The following RSRC1 variants were observed in gnomAD, a reference collection of about 807,000 sequenced individuals.
RSRC1 encodes arginine and serine rich coiled-coil 1.
Under a neutral mutation model 49.1 loss-of-function variants are expected in RSRC1, and 39 were observed. The observed-to-expected ratio is 0.79, with a 90% CI of 0.61 to 1.04. RSRC1 has a LOEUF of 1.04. Among genes scored for constraint, RSRC1 ranks in the 50% least tolerant of loss-of-function variants. RSRC1 has a pLI of 0.00. For missense variants in RSRC1, 388 were observed against 402.4 expected, an observed-to-expected ratio of 0.96 and a Z score of 0.31; for synonymous variants, 143 against 130.8, an observed-to-expected ratio of 1.09 and a Z score of -0.63.
chr3:158,429,983 A>G (rs923887064), intron 6 of RSRC1, among the ~76,000 whole-genome samples: 6 of 151,772 alleles, frequency 4.0e-5, no homozygotes, highest in Non-Finnish European at 8.8e-5. Flanking sequence ...TACCTATAGT[A>G]AACAATAATG....
At chr3:158,350,727 T>C (rs771620202) in intron 5 of RSRC1, among the ~76,000 whole-genome samples, 15 of 152,194 alleles carry the variant, frequency 9.9e-5, no homozygotes, top group Non-Finnish European at 1.9e-4. Context: ...TTTTGAGAAA[T>C]TGCTATATTC....
intron 6 of RSRC1, among the ~76,000 whole-genome samples, chr3:158,426,045 A>C (rs1735418138): frequency 6.6e-6 from 1 of 151,706 alleles, no homozygotes; most frequent in African/African-American, 2.4e-5. Context: ...GGATTTTTCT[A>C]AATGATAGTG....
intron 3 of RSRC1, among the ~76,000 whole-genome samples, chr3:158,149,262 T>C (rs887913013): frequency 1.0e-4 from 15 of 148,964 alleles, no homozygotes; most frequent in Non-Finnish European, 1.6e-4. Context: ...TAGCTTTAGT[T>C]CTTTCTTCTA....
intron 3 of RSRC1, among the ~76,000 whole-genome samples, chr3:158,185,309 A>C (rs1719861909): frequency 6.6e-6 from 1 of 152,000 alleles, no homozygotes; most frequent in Non-Finnish European, 1.5e-5. Context: ...CTTACTTGAT[A>C]AGGACTTCTC....
intron 7 of RSRC1, among the ~76,000 whole-genome samples, chr3:158,476,491 G>A (rs368251111): frequency 6.6e-6 from 1 of 152,236 alleles, no homozygotes; most frequent in East Asian, 1.9e-4. Context: ...CTTTAAGTTT[G>A]AAGCCAGTGC....
At chr3:158,299,992 C>G (rs1281135815) in intron 5 of RSRC1, among the ~76,000 whole-genome samples, 1 of 152,034 alleles carries the variant, frequency 6.6e-6, no homozygotes. Context: ...AGTACTCTGG[C>G]TAAAAATATT....
chr3:158,412,674 C>G (rs1242993992), intron 6 of RSRC1, among the ~76,000 whole-genome samples: 1 of 152,012 alleles, frequency 6.6e-6, no homozygotes, highest in African/African-American at 2.4e-5. Context: ...TAATAATCAG[C>G]CTGAGAGCAG....
At chr3:158,267,533 T>TA (rs200838693) in intron 4 of RSRC1, among the ~76,000 whole-genome samples, 16 of 152,168 alleles carry the variant, frequency 1.1e-4, no homozygotes, top group South Asian at 4.2e-4. Context: ...CCTCTTCATT[T>TA]AAAAAAATTT....
At chr3:158,439,812 A>G (rs1578480295) in intron 6 of RSRC1, among the ~76,000 whole-genome samples, 1 of 152,114 alleles carries the variant, frequency 6.6e-6, no homozygotes, top group Non-Finnish European at 1.5e-5. Context: ...TTGAAGTACA[A>G]TAAAAATTTA....
chr3:158,349,790 C>T (rs986284226), intron 5 of RSRC1, among the ~76,000 whole-genome samples: 6 of 147,354 alleles, frequency 4.1e-5, no homozygotes, highest in African/African-American at 1.5e-4. Flanking sequence ...GTCTGCCTCG[C>T]GGGTTCAGGC....
chr3:158,129,646 A>G (rs1011979167), intron 3 of RSRC1, among the ~76,000 whole-genome samples: 1 of 152,204 alleles, frequency 6.6e-6, no homozygotes, highest in African/African-American at 2.4e-5. Context: ...AAAACCAGCT[A>G]ACTATACGAA....
At chr3:158,121,354 A>G (rs1715247523) in intron 1 of RSRC1, among the ~76,000 whole-genome samples, 1 of 152,108 alleles carries the variant, frequency 6.6e-6, no homozygotes, top group African/African-American at 2.4e-5. Flanking sequence ...TGTCTGTTAT[A>G]GATATAATAT....
intron 6 of RSRC1, among the ~76,000 whole-genome samples, chr3:158,424,753 C>T (rs1353927472): frequency 5.3e-5 from 8 of 152,106 alleles, no homozygotes; most frequent in Admixed American, 5.2e-4. Flanking sequence ...GCCACAATTT[C>T]AGCTCCTGTT....
intron 4 of RSRC1, among the ~76,000 whole-genome samples, chr3:158,258,764 C>T (rs1095629): frequency 0.61 from 93,169 of 151,624 alleles, 28,973 homozygotes; most frequent in East Asian, 0.73. Flanking sequence ...CTCCTCTGAC[C>T]GTGTATTTTC....
chr3:158,461,006 A>G lies in RSRC1; in HGVS notation c.652+3A>G, dbSNP rs766214351. ...AGCAAAGAGAAGAAAGGAGGAAGGT[A>G]AAGGCATGTGTTCATTTTTCTCTGA... On this transcript the variant is annotated splice_donor_region_variant and intron_variant, in intron 7 of 9. Coordinates refer to ENST00000611884, the MANE Select transcript of RSRC1 (RefSeq NM_001271838.2). 1.9e-6 allele frequency: 3 copies of G among 1,593,780 alleles called. No individual in the cohort carries two copies. Among genetic ancestry groups the G allele is most frequent in the Non-Finnish European group, 2.6e-6 (3 of 1,166,442 alleles).
intron 3 of RSRC1, among the ~76,000 whole-genome samples, chr3:158,132,433 G>A (rs182911121): frequency 6.6e-4 from 101 of 152,256 alleles, no homozygotes; most frequent in South Asian, 1.0e-3. Flanking sequence ...AAAGGACAGC[G>A]TGTCTGATGA....
At chr3:158,369,465 G>T (rs938119067) in intron 6 of RSRC1, among the ~76,000 whole-genome samples, 2 of 151,998 alleles carry the variant, frequency 1.3e-5, no homozygotes, top group African/African-American at 4.8e-5. Context: ...GACAGATGTG[G>T]CTGAAAAGAC....
chr3:158,431,157 A>G (rs1307603596), intron 6 of RSRC1, among the ~76,000 whole-genome samples: 2 of 151,920 alleles, frequency 1.3e-5, no homozygotes, highest in Admixed American at 6.6e-5. Flanking sequence ...CTAATCTTTA[A>G]TAATTGTTTT....
intron 4 of RSRC1, among the ~76,000 whole-genome samples, chr3:158,233,757 A>G (rs1723092202): frequency 6.6e-6 from 1 of 152,168 alleles, no homozygotes; most frequent in African/African-American, 2.4e-5. Context: ...TGATTTAGAC[A>G]TAATTCCCCA....
Sources: gnomAD v4.1 joint callset for allele counts (sites outside exome capture counted in the v4.1 genomes callset) on GRCh38, gnomAD v4.1.1 for gene constraint, MANE v1.5 for transcripts, NCBI Gene and HGNC (gene_info 2026-07-23, HGNC 2026-07-21) for gene names.